Variants in PTPRD observed in about 807,000 individuals in gnomAD.
PTPRD encodes protein tyrosine phosphatase receptor type D.
In PTPRD, 34 loss-of-function variants were observed where a neutral mutation model predicts 214.5. That is an observed-to-expected ratio of 0.16 (90% CI 0.12 to 0.21). The LOEUF (loss-of-function observed/expected upper bound fraction) is 0.21, where lower values mean the gene tolerates loss of function less well. Ranked by LOEUF, PTPRD falls within the 10% of genes least tolerant of loss-of-function variation. The probability of loss-of-function intolerance (pLI) is 1.00; values close to 1 mark genes in which losing one functional copy is unlikely to be tolerated. For missense variants in PTPRD, 2,545 were observed against 2,398.7 expected (o/e 1.06, Z -1.27); for synonymous variants, 1,128 against 845.7 (o/e 1.33, Z -5.79).
At chr9:9,594,126 T>A (rs1022468536) in intron 7 of PTPRD, among the ~76,000 whole-genome samples, 1 of 152,004 alleles carries the variant, frequency 6.6e-6, no homozygotes, top group Non-Finnish European at 1.5e-5. Context: ...TGAAAGAAGA[T>A]CACTTACTAA....
chr9:9,428,795 G>C (rs1438916027), intron 8 of PTPRD, among the ~76,000 whole-genome samples: 4 of 152,186 alleles, frequency 2.6e-5, no homozygotes, highest in African/African-American at 7.2e-5. Flanking sequence ...ACCTGCTCCT[G>C]AATGACTACT....
rs951775067 is a variant in PTPRD, at chr9:8,677,226, T to G, written c.65-40382A>C. The stretch of plus-strand genomic sequence containing the variant: ...CGTAAGGATGCATGCACACATACAT[T>G]TATCACAGCATTATTCACAATAGCA... On this transcript the variant is annotated intron_variant, in intron 12 of 45. Coordinates refer to ENST00000381196, the MANE Select transcript of PTPRD (RefSeq NM_002839.4). Among the ~76,000 whole-genome samples the G allele has an allele frequency of 7.9e-5, 12 of 152,264 alleles. No homozygotes were observed. In the East Asian group the frequency reaches 2.1e-3, roughly 27 times the overall value.
At chr9:10,223,670 AAATAATAATAATAATAATAAT>A (rs67338126) in intron 3 of PTPRD, among the ~76,000 whole-genome samples, 2 of 134,368 alleles carry the variant, frequency 1.5e-5, no homozygotes, top group African/African-American at 5.5e-5. Flanking sequence ...ATTCTGTCTC[AAATAATAATAATAATAATAAT>A]AATAATAATA....
intron 2 of PTPRD, among the ~76,000 whole-genome samples, chr9:10,527,553 T>G (rs2134476736): frequency 6.6e-6 from 1 of 152,234 alleles, no homozygotes; most frequent in Admixed American, 6.5e-5. Context: ...AGCAACAAGG[T>G]TAATACATGT....
At chr9:9,872,508 G>A (rs2065749998) in intron 5 of PTPRD, among the ~76,000 whole-genome samples, 1 of 152,048 alleles carries the variant, frequency 6.6e-6, no homozygotes, top group African/African-American at 2.4e-5. Context: ...GTCTGAGGTG[G>A]GAGGATTGCT....
chr9:8,637,757 A>T (rs1017572607), intron 12 of PTPRD, among the ~76,000 whole-genome samples: 2 of 152,224 alleles, frequency 1.3e-5, no homozygotes, highest in Non-Finnish European at 2.9e-5. Context: ...AACATTAAAC[A>T]GTATGGGATT....
chr9:9,073,034 C>G (rs2099746052), intron 10 of PTPRD, among the ~76,000 whole-genome samples: 1 of 152,032 alleles, frequency 6.6e-6, no homozygotes, highest in Admixed American at 6.6e-5. Flanking sequence ...TAAAGGACAG[C>G]TTTTCAATAA....
At chr9:9,489,146 G>A (rs1244852170) in intron 8 of PTPRD, among the ~76,000 whole-genome samples, 1 of 152,104 alleles carries the variant, frequency 6.6e-6, no homozygotes, top group Non-Finnish European at 1.5e-5. Flanking sequence ...AGAAACAGTA[G>A]GAAGTAACTG....
intron 10 of PTPRD, among the ~76,000 whole-genome samples, chr9:9,063,770 A>G (rs1387979590): frequency 6.6e-6 from 1 of 152,168 alleles, no homozygotes; most frequent in Non-Finnish European, 1.5e-5. Flanking sequence ...TTTTCCTCAG[A>G]TACACTGAAA....
At chr9:9,549,072 C>G (rs539116961) in intron 8 of PTPRD, among the ~76,000 whole-genome samples, 3 of 151,884 alleles carry the variant, frequency 2.0e-5, no homozygotes, top group African/African-American at 7.3e-5. Flanking sequence ...AAAGCATAGG[C>G]AACTATCTTT....
intron 3 of PTPRD, among the ~76,000 whole-genome samples, chr9:10,319,743 A>G (rs1046780832): frequency 2.6e-5 from 4 of 152,012 alleles, no homozygotes; most frequent in Non-Finnish European, 5.9e-5. Flanking sequence ...ATTAATAAAG[A>G]CTAATTTATA....
In PTPRD at chr9:9,931,639, G is replaced by C. The variant is rs528309595; in HGVS notation, c.-368+6868C>G. On this transcript the variant is annotated intron_variant, in intron 5 of 45. Transcript: ENST00000381196. ...TGAGATCAAACTGCAAGACGGCAAC[G>C]AGGCTGGGGGAGGGGCGCCCACCAT... Among the ~76,000 whole-genome samples the C allele has an allele frequency of 3.2e-3, 484 of 151,466 alleles. 3 individuals carry two copies. Among genetic ancestry groups the C allele is most frequent in the African/African-American group, 9.6e-3 (398 of 41,324 alleles).
chr9:8,752,959 C>G (rs985334880), intron 11 of PTPRD, among the ~76,000 whole-genome samples: 13 of 152,304 alleles, frequency 8.5e-5, no homozygotes, highest in African/African-American at 3.1e-4. Flanking sequence ...TCCTCATGCA[C>G]TATAAAACAA....
At chr9:9,043,955 A>G (rs928288631) in intron 10 of PTPRD, among the ~76,000 whole-genome samples, 56 of 135,116 alleles carry the variant, frequency 4.1e-4, no homozygotes, top group Non-Finnish European at 1.6e-4. Flanking sequence ...AAAATAAAAT[A>G]AAATGAAAGT....
At position 9,516,479 on chromosome 9, in the gene PTPRD, T is replaced by C. The variant is rs965714202; in HGVS notation, c.-237+58253A>G. On this transcript the variant is annotated intron_variant, in intron 8 of 45. Coordinates refer to ENST00000381196, the MANE Select transcript of PTPRD (RefSeq NM_002839.4). ...ATGAGGAATATCATTTATAAAACCA[T>C]AAACTTGTTTCAAAAAATAAAATAT... Among the ~76,000 whole-genome samples the C allele has an allele frequency of 3.3e-5, 5 of 151,380 alleles. 1 individual carries two copies. In the South Asian group the frequency reaches 1.0e-3, roughly 31 times the overall value.
At chr9:8,850,439 A>G (rs1196338878) in intron 11 of PTPRD, among the ~76,000 whole-genome samples, 1 of 152,168 alleles carries the variant, frequency 6.6e-6, no homozygotes, top group Non-Finnish European at 1.5e-5. Context: ...AAGAAAGTGA[A>G]TGTCAAAGAA....
At chr9:10,549,272 C>T (rs533712163) in intron 2 of PTPRD, among the ~76,000 whole-genome samples, 1 of 152,096 alleles carries the variant, frequency 6.6e-6, no homozygotes, top group African/African-American at 2.4e-5. Flanking sequence ...GTCAAATAAC[C>T]CTGTTAGACT....
chr9:9,213,008 G>T (rs2099949791), intron 9 of PTPRD, among the ~76,000 whole-genome samples: 1 of 152,022 alleles, frequency 6.6e-6, no homozygotes, highest in South Asian at 2.1e-4. Context: ...GTTTTTTTAG[G>T]TCAGGTTAAG....
At chr9:9,946,508 T>C (rs1178902828) in intron 4 of PTPRD, among the ~76,000 whole-genome samples, 2 of 152,146 alleles carry the variant, frequency 1.3e-5, no homozygotes, top group Non-Finnish European at 2.9e-5. Flanking sequence ...TAGCTGATTA[T>C]TAGTCCCCAG....
Sources: allele counts gnomAD v4.1 joint callset (sites outside exome capture counted in the v4.1 genomes callset), GRCh38; gene constraint gnomAD v4.1.1; transcripts MANE v1.5; gene names NCBI Gene and HGNC (gene_info 2026-07-23, HGNC 2026-07-21).